The following PDZRN3 variants were observed in gnomAD, a reference collection of about 807,000 sequenced individuals.
The protein encoded by PDZRN3 is E3 ubiquitin-protein ligase PDZRN3.
In PDZRN3, 38 loss-of-function variants were observed where a neutral mutation model predicts 85.7. The observed-to-expected ratio is 0.44, with a 90% CI of 0.34 to 0.58. The LOEUF (loss-of-function observed/expected upper bound fraction) is 0.58, where lower values mean the gene tolerates loss of function less well. Among genes scored for constraint, PDZRN3 ranks in the 20% least tolerant of loss-of-function variants. PDZRN3 has a pLI of 0.01. For synonymous variants in PDZRN3, 759 were observed against 638.0 expected, an observed-to-expected ratio of 1.19 and a Z score of -2.86; for missense variants, 1,629 against 1,506.4, an observed-to-expected ratio of 1.08 and a Z score of -1.35.
chr3:73,541,631 A>G (rs1466608431), intron 3 of PDZRN3, among the ~76,000 whole-genome samples: 2 of 152,168 alleles, frequency 1.3e-5, no homozygotes, highest in African/African-American at 4.8e-5. Flanking sequence ...TCTACATTAT[A>G]TATGTGATAT....
At chr3:73,470,198 T>C (rs957431955) in intron 3 of PDZRN3, among the ~76,000 whole-genome samples, 1 of 152,242 alleles carries the variant, frequency 6.6e-6, no homozygotes, top group Non-Finnish European at 1.5e-5. Flanking sequence ...GATTCATAGT[T>C]ATAGCTACCA....
intron 3 of PDZRN3, among the ~76,000 whole-genome samples, chr3:73,411,659 A>T (rs907354032): frequency 2.0e-5 from 3 of 152,176 alleles, no homozygotes; most frequent in African/African-American, 4.8e-5. Context: ...TCAGCCCTGG[A>T]CACATAGAAG....
At chr3:73,430,566 G>A (rs1702411602) in intron 3 of PDZRN3, among the ~76,000 whole-genome samples, 1 of 152,154 alleles carries the variant, frequency 6.6e-6, no homozygotes, top group South Asian at 2.1e-4. Flanking sequence ...AGCATCCACA[G>A]ACTGGCTGTC....
chr3:73,556,321 A>G (rs1701694978), intron 3 of PDZRN3, among the ~76,000 whole-genome samples: 1 of 151,946 alleles, frequency 6.6e-6, no homozygotes, highest in Non-Finnish European at 1.5e-5. Context: ...AAATTATTTT[A>G]TAATTATATT....
intron 3 of PDZRN3, among the ~76,000 whole-genome samples, chr3:73,553,472 A>C (rs1283360282): frequency 6.6e-6 from 1 of 151,946 alleles, no homozygotes; most frequent in Non-Finnish European, 1.5e-5. Context: ...GCTACTCGGG[A>C]GGCTGAGGCA....
At chr3:73,397,368 A>C (rs1701660896) in intron 5 of PDZRN3, among the ~76,000 whole-genome samples, 1 of 152,148 alleles carries the variant, frequency 6.6e-6, no homozygotes, top group African/African-American at 2.4e-5. Context: ...CCCTTACTTA[A>C]ATAACAGCCT....
chr3:73,478,630 A>T (rs1703503934), intron 3 of PDZRN3, among the ~76,000 whole-genome samples: 1 of 152,138 alleles, frequency 6.6e-6, no homozygotes, highest in African/African-American at 2.4e-5. Context: ...CAAAACCATC[A>T]ACTTCTGCCC....
intron 3 of PDZRN3, among the ~76,000 whole-genome samples, chr3:73,512,006 C>A (rs1704175291): frequency 1.3e-5 from 2 of 152,238 alleles, no homozygotes; most frequent in Admixed American, 1.3e-4. Context: ...TATACACTTG[C>A]AGAAGTTAAC....
chr3:73,448,035 C>T (rs1702785594), intron 3 of PDZRN3, among the ~76,000 whole-genome samples: 1 of 152,356 alleles, frequency 6.6e-6, no homozygotes, highest in African/African-American at 2.4e-5. Flanking sequence ...CACCTCTCTT[C>T]TGTCTCCATA....
intron 1 of PDZRN3, among the ~76,000 whole-genome samples, chr3:73,613,968 T>C (rs1702722875): frequency 6.6e-6 from 1 of 152,122 alleles, no homozygotes; most frequent in African/African-American, 2.4e-5. Flanking sequence ...GGGTTGTGGG[T>C]ATCCAGACCT....
chr3:73,559,411 C>T (rs543723027), intron 3 of PDZRN3, among the ~76,000 whole-genome samples: 19 of 144,220 alleles, frequency 1.3e-4, no homozygotes, highest in South Asian at 1.2e-3. Context: ...TAAATGAGGT[C>T]TAATCTACAA....
chr3:73,502,052 C>T (rs901009787), intron 3 of PDZRN3, among the ~76,000 whole-genome samples: 3 of 152,070 alleles, frequency 2.0e-5, no homozygotes, highest in African/African-American at 7.2e-5. Context: ...TAAAATAAAA[C>T]AAGTCATTAG....
At chr3:73,467,197 C>T (rs1575673316) in intron 3 of PDZRN3, among the ~76,000 whole-genome samples, 1 of 152,118 alleles carries the variant, frequency 6.6e-6, no homozygotes, top group African/African-American at 2.4e-5. Context: ...ACCATGTACT[C>T]GCAGTAAAGC....
chr3:73,408,693 G>C (rs192757638), intron 3 of PDZRN3, among the ~76,000 whole-genome samples: 6 of 152,172 alleles, frequency 3.9e-5, no homozygotes, highest in Admixed American at 3.9e-4. Context: ...AAGATGATGA[G>C]ACAAGGCGGG....
At chr3:73,390,970 CT>C in intron 6 of PDZRN3, 47 bp downstream of exon 6, 1 of 1,280,312 alleles carries the variant, frequency 7.8e-7, no homozygotes, top group Non-Finnish European at 1.1e-6. Flanking sequence ...AAAAAAAACC[CT>C]TTTGGTCTTG....
At chr3:73,408,043 T>A in intron 3 of PDZRN3, 1 of 653,258 alleles carries the variant, frequency 1.5e-6, no homozygotes, top group Middle Eastern at 2.4e-4. Context: ...CAGAAACGCA[T>A]TTCTGACAAC....
intron 3 of PDZRN3, chr3:73,433,595 G>A: frequency 2.3e-6 from 3 of 1,311,304 alleles, no homozygotes; most frequent in Non-Finnish European, 3.2e-6. Flanking sequence ...ACTTGGCCAG[G>A]TGGGTGCCTA....
intron 3 of PDZRN3, among the ~76,000 whole-genome samples, chr3:73,525,630 T>TA (rs1704505100): frequency 6.6e-6 from 1 of 152,236 alleles, no homozygotes; most frequent in Non-Finnish European, 1.5e-5. Flanking sequence ...TCTTTACCAA[T>TA]AACCACATGC....
At chr3:73,563,916 C>T (rs1701890497) in intron 3 of PDZRN3, among the ~76,000 whole-genome samples, 1 of 152,160 alleles carries the variant, frequency 6.6e-6, no homozygotes, top group Non-Finnish European at 1.5e-5. Context: ...AGAGCCCAGG[C>T]TCATAACCAC....
Sources: gnomAD v4.1 joint callset for allele counts (sites outside exome capture counted in the v4.1 genomes callset) on GRCh38, gnomAD v4.1.1 for gene constraint, MANE v1.5 for transcripts, NCBI Gene and HGNC (gene_info 2026-07-23, HGNC 2026-07-21) for gene names.